Variants in TSHZ3 observed in about 807,000 individuals in gnomAD.
The protein encoded by TSHZ3 is teashirt homolog 3.
A neutral mutation model predicts 64.5 loss-of-function variants in TSHZ3; 10 were observed. That is an observed-to-expected ratio of 0.16 (90% CI 0.10 to 0.26). The LOEUF is 0.26. TSHZ3 is among the 10% of genes least tolerant of loss of function. The probability of loss-of-function intolerance (pLI) is 1.00; values close to 1 mark genes in which losing one functional copy is unlikely to be tolerated. For missense variants in TSHZ3, 1,242 were observed against 1,421.7 expected (o/e 0.87, Z 2.03); for synonymous variants, 608 against 593.1 (o/e 1.03, Z -0.36).
At chr19:31,174,602 T>C (rs1202064192) in intron 5 of TSHZ3, among the ~76,000 whole-genome samples, 1 of 152,222 alleles carries the variant, frequency 6.6e-6, no homozygotes, top group Admixed American at 6.5e-5. Context: ...ATCTTAGTTA[T>C]TTATCTGGTT....
intron 5 of TSHZ3, among the ~76,000 whole-genome samples, chr19:31,169,646 G>GA (rs936060574): frequency 4.6e-5 from 7 of 151,728 alleles, no homozygotes; most frequent in African/African-American, 7.3e-5. Flanking sequence ...CTACCACAAT[G>GA]AAAAAAAAGG....
intron 1 of TSHZ3, among the ~76,000 whole-genome samples, chr19:31,324,267 GA>G (rs1441409243): frequency 6.6e-6 from 1 of 152,110 alleles, no homozygotes; most frequent in African/African-American, 2.4e-5. Context: ...AATCCAGTCT[GA>G]ATTTTCATTT....
chr19:31,156,380 G>A (rs1370704943), exon 6 of TSHZ3, among the ~76,000 whole-genome samples: 2 of 152,260 alleles, frequency 1.3e-5, no homozygotes, highest in Admixed American at 6.5e-5. Context: ...AAGGCAGTAG[G>A]TCTTCCCGAT....
At chr19:31,234,487 C>G (rs1331556804) in intron 3 of TSHZ3, among the ~76,000 whole-genome samples, 1 of 152,136 alleles carries the variant, frequency 6.6e-6, no homozygotes, top group Non-Finnish European at 1.5e-5. Context: ...CTGGCTTTAA[C>G]CATTAACAAT....
chr19:31,190,387 GC>G (rs1974885014), intron 5 of TSHZ3, among the ~76,000 whole-genome samples: 1 of 152,102 alleles, frequency 6.6e-6, no homozygotes, highest in Non-Finnish European at 1.5e-5. Context: ...GATTTATTCA[GC>G]CAGGACAGAG....
chr19:31,162,032 G>A (rs117035960), intron 5 of TSHZ3, among the ~76,000 whole-genome samples: 1,914 of 152,262 alleles, frequency 0.013, 30 homozygotes, highest in East Asian at 0.067. Flanking sequence ...TGAGGTACCC[G>A]GTGAGTATTT....
At chr19:31,251,437 C>T (rs573006520) in intron 1 of TSHZ3, among the ~76,000 whole-genome samples, 1 of 152,190 alleles carries the variant, frequency 6.6e-6, no homozygotes, top group South Asian at 2.1e-4. Flanking sequence ...CTCACCCTGC[C>T]TCCTGCTCCC....
At chr19:31,189,117 T>C (rs1310517726) in intron 5 of TSHZ3, among the ~76,000 whole-genome samples, 1 of 151,946 alleles carries the variant, frequency 6.6e-6, no homozygotes, top group Non-Finnish European at 1.5e-5. Flanking sequence ...CTAGTGATCA[T>C]CCTTTTTATT....
intron 1 of TSHZ3, among the ~76,000 whole-genome samples, chr19:31,298,773 C>G (rs1174380575): frequency 6.6e-6 from 1 of 151,404 alleles, no homozygotes; most frequent in East Asian, 1.9e-4. Flanking sequence ...AGAACGAGGA[C>G]TGGAATTGGG....
At chr19:31,200,335 G>A (rs1975062231) in intron 5 of TSHZ3, among the ~76,000 whole-genome samples, 1 of 152,018 alleles carries the variant, frequency 6.6e-6, no homozygotes, top group Non-Finnish European at 1.5e-5. Flanking sequence ...TTCTTGAGTA[G>A]GTGAATGGAT....
In TSHZ3 at chr19:31,224,931, G is replaced by A. The variant is rs368151328; in HGVS notation, n.686+3074C>T. Among the ~76,000 whole-genome samples, 5 of 152,114 alleles carry A rather than the reference G, an allele frequency of 3.3e-5. No individual in the cohort carries two copies. The East Asian group carries it at 9.6e-4, about 29-fold the overall frequency. ...TACCAGCCAGGATGAACACACAAAGGCTTCAGCTTTTATGTACGGCCTAGA... is the reference window on the plus strand; with the variant it reads ...TACCAGCCAGGATGAACACACAAAGACTTCAGCTTTTATGTACGGCCTAGA... On this transcript the variant is annotated intron_variant and non_coding_transcript_variant, in intron 4 of 6. Transcript: ENST00000651361.
intron 4 of TSHZ3, among the ~76,000 whole-genome samples, chr19:31,216,877 C>T (rs1006616154): frequency 1.3e-5 from 2 of 151,942 alleles, no homozygotes; most frequent in African/African-American, 2.4e-5. Flanking sequence ...AGGATGGTCT[C>T]GATCTCCTGA....
chr19:31,314,522 A>G (rs999987144), intron 1 of TSHZ3, among the ~76,000 whole-genome samples: 3 of 152,178 alleles, frequency 2.0e-5, no homozygotes, highest in African/African-American at 7.2e-5. Context: ...AATCATTTCT[A>G]ATGACAGGAT....
chr19:31,254,591 C>T (rs1387046164), intron 1 of TSHZ3, among the ~76,000 whole-genome samples: 1 of 152,188 alleles, frequency 6.6e-6, no homozygotes, highest in Non-Finnish European at 1.5e-5. Context: ...TCTTTGTAAA[C>T]AGATACCGTT....
intron 1 of TSHZ3, among the ~76,000 whole-genome samples, chr19:31,348,159 A>T (rs995926971): frequency 6.6e-6 from 1 of 152,178 alleles, no homozygotes. Flanking sequence ...CCAAATCCCA[A>T]AGTTGCACTG....
At position 31,340,440 on chromosome 19, in the gene TSHZ3, T is replaced by A. The variant is rs971084595; in HGVS notation, c.40+8740A>T. Among the ~76,000 whole-genome samples the A allele has an allele frequency of 3.8e-5, 5 of 132,984 alleles. No homozygotes were observed. The Admixed American group carries it at 3.8e-4, about 10-fold the overall frequency. 87.2% of individuals were successfully genotyped at this position (132,984 alleles called of 152,430 possible). ...CCCCCTCCCGCCTGAAAAAAAATAA[T>A]TCCCAGCATCTGAAACTGATCAAGA... On this transcript the variant is annotated intron_variant, in intron 1 of 1. Coordinates refer to ENST00000240587, the MANE Select transcript of TSHZ3 (RefSeq NM_020856.4).
intron 1 of TSHZ3, among the ~76,000 whole-genome samples, chr19:31,328,030 A>G (rs1916979296): frequency 6.6e-6 from 1 of 152,242 alleles, no homozygotes; most frequent in Non-Finnish European, 1.5e-5. Flanking sequence ...CATTCAGTTC[A>G]CACTTTGTTC....
At chr19:31,198,433 C>T (rs934308669) in intron 5 of TSHZ3, among the ~76,000 whole-genome samples, 8 of 151,926 alleles carry the variant, frequency 5.3e-5, no homozygotes, top group African/African-American at 1.9e-4. Flanking sequence ...GAAGTCCTAC[C>T]TGATGCAATA....
intron 1 of TSHZ3, among the ~76,000 whole-genome samples, chr19:31,344,443 G>A (rs1018508350): frequency 1.3e-5 from 2 of 152,226 alleles, no homozygotes; most frequent in Admixed American, 1.3e-4. Context: ...CCTCTGCCCA[G>A]TGACAGGCAG....
Sources: allele counts gnomAD v4.1 joint callset (sites outside exome capture counted in the v4.1 genomes callset), GRCh38; gene constraint gnomAD v4.1.1; transcripts MANE v1.5; gene names NCBI Gene and HGNC (gene_info 2026-07-23, HGNC 2026-07-21).